Variants in TET2 observed in about 807,000 individuals in gnomAD.
TET2 encodes tet methylcytosine dioxygenase 2.
In TET2, 299 loss-of-function variants were observed where a neutral mutation model predicts 142.9. The observed-to-expected ratio is 2.09, with a 90% CI of 1.90 to 2.30. TET2 has a LOEUF of 2.30. Ranked by LOEUF, TET2 falls within the 30% of genes most tolerant of loss-of-function variation. The probability of loss-of-function intolerance (pLI) is 0.00; values close to 1 mark genes in which losing one functional copy is unlikely to be tolerated. For synonymous variants in TET2, 819 were observed against 849.0 expected, an observed-to-expected ratio of 0.96 and a Z score of 0.61; for missense variants, 2,418 against 2,378.0, an observed-to-expected ratio of 1.02 and a Z score of -0.35.
At chr4:105,171,663 A>C (rs545403907) in intron 1 of TET2, 1 of 152,308 alleles carries the variant, frequency 6.6e-6, no homozygotes, top group South Asian at 2.1e-4. Context: ...CTGCCTCTTG[A>C]TAAAGGATGC....
chr4:105,197,584 AAT>A (rs1470206315), intron 2 of TET2, among the ~76,000 whole-genome samples: 2 of 152,182 alleles, frequency 1.3e-5, no homozygotes, highest in Non-Finnish European at 2.9e-5. Context: ...GGGAAAAACT[AAT>A]ACTGTAGATC....
In TET2 at chr4:105,278,171, C is replaced by CATATATATATATATATATATAT. The variant is rs61328453; in HGVS notation, c.*1663_*1684dup. The CATATATATATATATATATATAT allele has an allele frequency of 1.4e-4, 16 of 113,920 alleles. No individual in the cohort carries two copies. Among genetic ancestry groups the CATATATATATATATATATATAT allele is most frequent in the African/African-American group, 3.7e-4 (9 of 24,424 alleles). 7.1% of individuals were successfully genotyped at this position (113,920 alleles called of 1,614,324 possible). On this transcript the variant is annotated 3_prime_UTR_variant, in exon 11 of 11. Transcript: ENST00000380013. ...GTACTGTAAAAAAATTAAATATATA[C>CATATATATATATATATATATAT]ATATATATATATATATATATATATA...
At chr4:105,165,203 C>T (rs111875334) in intron 1 of TET2, among the ~76,000 whole-genome samples, 2,094 of 152,000 alleles carry the variant, frequency 0.014, 29 homozygotes, top group Middle Eastern at 0.058. Context: ...AGAGAAACCC[C>T]GTCTGTACCA....
At chr4:105,237,620 TG>T in intron 3 of TET2, 2 of 1,452,024 alleles carry the variant, frequency 1.4e-6, no homozygotes, top group South Asian at 1.5e-5. Flanking sequence ...AAAATTTGAA[TG>T]TATCTGTTTT....
Position 105,159,255 on chromosome 4 carries a change from T to C in TET2, c.-193+12276T>C, listed in dbSNP as rs35044470. ...AATCTTTTTCTTTCTTTCTTTCTTTTTTTTTTTTTTTTTTGAGACGGAGTT... is the reference window on the plus strand; with the variant it reads ...AATCTTTTTCTTTCTTTCTTTCTTTCTTTTTTTTTTTTTTGAGACGGAGTT... On this transcript the variant is annotated intron_variant, in intron 1 of 10. Transcript: ENST00000380013. 4.8e-3 allele frequency among the ~76,000 whole-genome samples: 720 copies of C among 148,698 alleles called. 4 individuals are homozygous for C. Among genetic ancestry groups the C allele is most frequent in the African/African-American group, 0.016 (652 of 40,556 alleles).
chr4:105,235,048 G>T lies in TET2; in HGVS notation c.1106G>T (p.Arg369Leu). The T allele has an allele frequency of 6.2e-7, 1 of 1,614,040 alleles. No individual in the cohort carries two copies. Residue 369 changes from arginine (R) to leucine (L), a missense_variant, in exon 3 of 11, where the codon CGG becomes CTG. Physicochemically the swap from Arg to Leu is moderately radical, Grantham distance 102. Coordinates refer to ENST00000380013, the MANE Select transcript of TET2 (RefSeq NM_001127208.3). Reference sequence around the variant, plus strand: ...CAAGCTCCTGGTGGCAGCTCTGAACGGTATTTAAAACAAAATGAAATGAAT... The same window carrying T: ...CAAGCTCCTGGTGGCAGCTCTGAACTGTATTTAAAACAAAATGAAATGAAT... ...NLQAPGGSSE[R>L]YLKQNEMNGA...
intron 2 of TET2, among the ~76,000 whole-genome samples, chr4:105,213,064 C>T (rs1727269923): frequency 6.6e-6 from 1 of 151,918 alleles, no homozygotes; most frequent in Non-Finnish European, 1.5e-5. Context: ...TTTTATTTTA[C>T]AAATGCATCT....
At chr4:105,153,094 A>G (rs1723390760) in intron 1 of TET2, among the ~76,000 whole-genome samples, 1 of 152,198 alleles carries the variant, frequency 6.6e-6, no homozygotes, top group Non-Finnish European at 1.5e-5. Context: ...TTTAATTGAA[A>G]TATTTTTTGA....
chr4:105,207,116 T>C (rs1560752454), intron 2 of TET2, among the ~76,000 whole-genome samples: 2 of 152,158 alleles, frequency 1.3e-5, no homozygotes, highest in Non-Finnish European at 2.9e-5. Flanking sequence ...ACTGAAAATT[T>C]TACATAAATT....
intron 2 of TET2, among the ~76,000 whole-genome samples, chr4:105,203,736 G>A (rs1726619548): frequency 6.6e-6 from 1 of 152,074 alleles, no homozygotes; most frequent in Non-Finnish European, 1.5e-5. Context: ...GACAAATCAG[G>A]GCCGTTATTA....
At chr4:105,271,112 GTTTAT>G (rs990994047) in intron 9 of TET2, among the ~76,000 whole-genome samples, 3 of 152,008 alleles carry the variant, frequency 2.0e-5, no homozygotes, top group African/African-American at 4.8e-5. Context: ...GGGTTTTTTT[GTTTAT>G]TTTGTTTTTT....
intron 8 of TET2, among the ~76,000 whole-genome samples, chr4:105,264,175 A>C (rs749079408): frequency 5.9e-5 from 9 of 151,928 alleles, no homozygotes; most frequent in African/African-American, 1.7e-4. Context: ...TTTTATGTCA[A>C]ATTATGTTTT....
intron 2 of TET2, among the ~76,000 whole-genome samples, chr4:105,206,283 A>G (rs1167750469): frequency 6.6e-6 from 1 of 152,150 alleles, no homozygotes; most frequent in Non-Finnish European, 1.5e-5. Context: ...ATTAAGTAAG[A>G]CATACCCATG....
In TET2 at chr4:105,234,232, CAGTT is replaced by C. The variant is rs750612240; in HGVS notation, c.294_297del (p.Ser99AsnfsTer13). On this transcript the variant is annotated frameshift_variant, in exon 3 of 11. Coordinates refer to ENST00000380013, the MANE Select transcript of TET2 (RefSeq NM_001127208.3). LOFTEE classifies it high-confidence loss of function. ...TTGCAAAATGGAGGAATAAAACGCA[CAGTT>C]AGTGAACCTTCTCTCTCTGGGCTCC... The C allele has an allele frequency of 1.2e-6, 2 of 1,614,000 alleles. No individual in the cohort carries two copies. The highest frequency in any genetic ancestry group is 1.7e-5 in the Admixed American group (1 of 60,004).
chr4:105,222,559 A>G (rs182536998), intron 2 of TET2, among the ~76,000 whole-genome samples: 5,908 of 151,508 alleles, frequency 0.039, 403 homozygotes, highest in African/African-American at 0.14. Flanking sequence ...TTTTGATGGG[A>G]TTGTTTGTTT....
At chr4:105,185,843 A>G (rs962397915) in intron 1 of TET2, among the ~76,000 whole-genome samples, 1 of 152,176 alleles carries the variant, frequency 6.6e-6, no homozygotes, top group Non-Finnish European at 1.5e-5. Flanking sequence ...ATAGGCTTCA[A>G]TTTAGGGAAC....
intron 1 of TET2, among the ~76,000 whole-genome samples, chr4:105,164,327 C>T (rs1203732728): frequency 6.6e-6 from 1 of 152,196 alleles, no homozygotes; most frequent in Non-Finnish European, 1.5e-5. Context: ...TTTTTATTAG[C>T]TGTGTATGTC....
At chr4:105,195,958 ACT>A (rs1004670753) in intron 2 of TET2, among the ~76,000 whole-genome samples, 1 of 152,156 alleles carries the variant, frequency 6.6e-6, no homozygotes, top group African/African-American at 2.4e-5. Flanking sequence ...ACTTGTGCAC[ACT>A]CACACACAAT....
intron 6 of TET2, among the ~76,000 whole-genome samples, chr4:105,254,366 A>G (rs1406314015): frequency 6.6e-6 from 1 of 152,098 alleles, no homozygotes; most frequent in Non-Finnish European, 1.5e-5. Context: ...GGTCCATTTC[A>G]CCTTGATTAT....
Sources: gnomAD v4.1 joint callset for allele counts (sites outside exome capture counted in the v4.1 genomes callset) on GRCh38, gnomAD v4.1.1 for gene constraint, MANE v1.5 for transcripts, NCBI Gene and HGNC (gene_info 2026-07-23, HGNC 2026-07-21) for gene names.